Variants in ACP6 observed in about 807,000 individuals in gnomAD.
The protein encoded by ACP6 is lysophosphatidic acid phosphatase type 6.
ACP6 carries 48 observed loss-of-function variants against 48.1 expected under a neutral mutation model. That is an observed-to-expected ratio of 1.00 (90% CI 0.79 to 1.27). The LOEUF (loss-of-function observed/expected upper bound fraction) is 1.27, where lower values mean the gene tolerates loss of function less well. ACP6 is among the 50% of genes most tolerant of loss of function. The pLI is 0.00. For synonymous variants in ACP6, 172 were observed against 204.2 expected (o/e 0.84, Z 1.34); for missense variants, 485 against 529.1 (o/e 0.92, Z 0.82).
intron 5 of ACP6, among the ~76,000 whole-genome samples, chr1:147,654,643 C>T (rs782643735): frequency 3.9e-5 from 6 of 152,128 alleles, no homozygotes; most frequent in Non-Finnish European, 5.9e-5. Context: ...CTTTTCTTTA[C>T]GGAATAAATA....
At chr1:147,636,462 T>C (rs1659304763) in intron 5 of ACP6, among the ~76,000 whole-genome samples, 1 of 151,822 alleles carries the variant, frequency 6.6e-6, no homozygotes, top group Non-Finnish European at 1.5e-5. Context: ...AGGAGAAAGG[T>C]GCCATGTGTG....
chr1:147,653,944 C>T (rs2148907483), intron 6 of ACP6, among the ~76,000 whole-genome samples: 1 of 152,272 alleles, frequency 6.6e-6, no homozygotes, highest in South Asian at 2.1e-4. Flanking sequence ...ACACAAACTG[C>T]ATATTGGGTG....
chr1:147,655,102 C>T (rs1191060202), intron 5 of ACP6, 59 bp downstream of exon 5: 8 of 1,402,278 alleles, frequency 5.7e-6, no homozygotes, highest in Admixed American at 2.0e-5. Context: ...CAGAGTTCTG[C>T]CAGCAAAGGT....
intron 4 of ACP6, among the ~76,000 whole-genome samples, chr1:147,658,409 A>G (rs587740194): frequency 1.3e-5 from 2 of 152,350 alleles, no homozygotes; most frequent in South Asian, 4.1e-4. Flanking sequence ...GGCTCTCAAC[A>G]CATGGGATCC....
downstream of ACP6, among the ~76,000 whole-genome samples, chr1:147,638,014 C>G (rs1553208249): frequency 6.6e-6 from 1 of 152,206 alleles, no homozygotes; most frequent in African/African-American, 2.4e-5. Flanking sequence ...TGAAGAACAG[C>G]TGACCACTGA....
chr1:147,655,169 C>T lies in ACP6; in HGVS notation c.639G>A (p.Gln213=). 6.2e-7 allele frequency: 1 copy of T among 1,604,872 alleles called. No homozygotes were observed. Among genetic ancestry groups the T allele is most frequent in the Non-Finnish European group, 8.5e-7 (1 of 1,175,130 alleles). Residue 213 remains glutamine, a synonymous_variant, in exon 5 of 10, where the codon CAG becomes CAA. Coordinates refer to ENST00000583509, the MANE Select transcript of ACP6 (RefSeq NM_016361.5). The stretch of plus-strand genomic sequence containing the variant: ...AACCCAGGGGCAGTTACCTGGTTCT[C>T]TGCCTCAGGCTCCAGCAGCTTTGGT... ...PNYQSCWSLR[Q]RTRGRRQTAS... is the part of the protein sequence containing the mutation.
intron 1 of ACP6, among the ~76,000 whole-genome samples, chr1:147,667,427 G>A (rs1400338052): frequency 6.6e-6 from 1 of 151,708 alleles, no homozygotes; most frequent in African/African-American, 2.4e-5. Flanking sequence ...CATTTTGGCC[G>A]GGCTGATCTC....
At position 147,647,816 on chromosome 1, in the gene ACP6, C is replaced by A. The variant is rs1362796562; in HGVS notation, c.1144-250G>T. Reference sequence around the variant, plus strand: ...AGTTACATCCCCGAGCTGGGAGAACCAACAGGCTCATCCCTGGGGCGTGCT... The same window carrying A: ...AGTTACATCCCCGAGCTGGGAGAACAAACAGGCTCATCCCTGGGGCGTGCT... On this transcript the variant is annotated intron_variant, in intron 9 of 9. Transcript: ENST00000583509. 16 of 574,438 alleles carry A rather than the reference C, an allele frequency of 2.8e-5. No homozygotes were observed. In the African/African-American group the frequency reaches 2.8e-4, roughly 10 times the overall value. 35.6% of individuals were successfully genotyped at this position (574,438 alleles called of 1,614,324 possible).
chr1:147,650,013 G>A (rs1274627769), intron 8 of ACP6, 130 bp downstream of exon 8: 5 of 685,854 alleles, frequency 7.3e-6, no homozygotes, highest in Non-Finnish European at 1.2e-5. Flanking sequence ...TGACACTTGA[G>A]GCCTGTTAAA....
At chr1:147,649,439 G>A (rs1011533052) in intron 8 of ACP6, among the ~76,000 whole-genome samples, 8 of 102,772 alleles carry the variant, frequency 7.8e-5, no homozygotes, top group Non-Finnish European at 1.3e-4. Context: ...AGGCTCATGA[G>A]CTACTTCCAA....
intron 5 of ACP6, among the ~76,000 whole-genome samples, chr1:147,633,984 C>T (rs1553207709): frequency 1.3e-5 from 2 of 152,172 alleles, no homozygotes; most frequent in African/African-American, 4.8e-5. Context: ...ACAACTTTTT[C>T]ATCATGTAAA....
intron 1 of ACP6, among the ~76,000 whole-genome samples, chr1:147,669,592 G>C (rs1252477221): frequency 6.6e-6 from 1 of 152,244 alleles, no homozygotes; most frequent in Non-Finnish European, 1.5e-5. Flanking sequence ...CTTAAGCAGC[G>C]CTTACTGATG....
In ACP6 at chr1:147,647,276, T is replaced by C. The variant is rs1659664732; in HGVS notation, c.*147A>G. The C allele has an allele frequency of 2.1e-6, 2 of 973,052 alleles. No homozygotes were observed. Among genetic ancestry groups the C allele is most frequent in the South Asian group, 3.3e-5 (2 of 60,532 alleles). 60.3% of individuals were successfully genotyped at this position (973,052 alleles called of 1,614,324 possible). A position where few individuals can be genotyped will look rare whatever the true frequency, so the allele number is the denominator to read the frequency against. On this transcript the variant is annotated 3_prime_UTR_variant, in exon 10 of 10. Coordinates refer to ENST00000583509, the MANE Select transcript of ACP6 (RefSeq NM_016361.5). Reference sequence around the variant, plus strand: ...CCCCTTTTCCGTTCAGGAAGAAATCTTAGTAAACCCACAGAAAGGAAATAT... The same window carrying C: ...CCCCTTTTCCGTTCAGGAAGAAATCCTAGTAAACCCACAGAAAGGAAATAT...
At chr1:147,652,653 G>A (rs1286337859) in intron 6 of ACP6, 104 bp from the exon 7 acceptor site, 7 of 1,604,560 alleles carry the variant, frequency 4.4e-6, no homozygotes, top group South Asian at 2.2e-5. Context: ...TTCTCCTGGG[G>A]AAGAGAAGAC....
chr1:147,642,503 G>A lies in ACP6; in HGVS notation c.*4920C>T, dbSNP rs10900387. The A allele has an allele frequency of 0.5, 75,678 of 151,638 alleles. 19,187 individuals are homozygous for A. Among genetic ancestry groups the A allele is most frequent in the Non-Finnish European group, 0.54 (36,971 of 67,986 alleles). The allele number at this position is 151,638 out of a possible 1,614,324, so 9.4% of individuals were successfully genotyped here. On this transcript the variant is annotated 3_prime_UTR_variant, in exon 10 of 10. Transcript: ENST00000583509. ...TTTTTTTTAAACATACTATAGGTCT[G>A]GCTAGGGAGATATGTGAGGGGTGAA...
At chr1:147,669,357 C>T (rs1660962213) in intron 1 of ACP6, among the ~76,000 whole-genome samples, 1 of 152,216 alleles carries the variant, frequency 6.6e-6, no homozygotes, top group Admixed American at 6.5e-5. Context: ...AGGCAACGAC[C>T]TCTTATCCAC....
rs1380398075 is a variant in ACP6, at chr1:147,670,339, T to C, written c.-291A>G. The C allele has an allele frequency of 6.1e-6, 2 of 326,930 alleles. No homozygotes were observed. Among genetic ancestry groups the C allele is most frequent in the Non-Finnish European group, 1.1e-5 (2 of 178,174 alleles). 20.3% of individuals were successfully genotyped at this position (326,930 alleles called of 1,614,324 possible). ...CGGGCCGGGGGAGATCGGATCCTTA[T>C]CTTTTGCCCGACGAGGAACATTAAA... On this transcript the variant is annotated 5_prime_UTR_variant, in exon 1 of 10. Transcript: ENST00000583509.
At chr1:147,649,426 T>A (rs893035583) in intron 8 of ACP6, among the ~76,000 whole-genome samples, 1 of 146,408 alleles carries the variant, frequency 6.8e-6, no homozygotes, top group South Asian at 2.2e-4. Context: ...AAAGTGGCAA[T>A]GGAGGCTCAT....
chr1:147,636,138 A>G (rs1659292958), intron 5 of ACP6, among the ~76,000 whole-genome samples: 1 of 152,124 alleles, frequency 6.6e-6, no homozygotes, highest in Non-Finnish European at 1.5e-5. Flanking sequence ...AGACAGAGAA[A>G]CCTAAGCATG....
Sources: gnomAD v4.1 joint callset for allele counts (sites outside exome capture counted in the v4.1 genomes callset) on GRCh38, gnomAD v4.1.1 for gene constraint, MANE v1.5 for transcripts, NCBI Gene and HGNC (gene_info 2026-07-23, HGNC 2026-07-21) for gene names.